The following DMD variants were observed in gnomAD, a reference collection of about 807,000 sequenced individuals.
DMD encodes the protein mutant dystrophin.
A neutral mutation model predicts 330.1 loss-of-function variants in DMD; 63 were observed. The ratio of observed to expected loss-of-function variants is 0.19; its 90% CI spans 0.16 to 0.24. The LOEUF is 0.24. DMD is among the 10% of genes least tolerant of loss of function. The pLI, the probability that DMD is intolerant of heterozygous loss-of-function variation, is 1.00. For missense variants in DMD, 3,344 were observed against 2,684.1 expected (o/e 1.25, Z -5.43); for synonymous variants, 1,223 against 959.8 (o/e 1.27, Z -5.07).
At chrX:31,633,350 A>G (rs1317630475) in intron 54 of DMD, among the ~76,000 whole-genome samples, 1 of 111,352 alleles carries the variant, frequency 9.0e-6, no homozygotes, top group Admixed American at 9.5e-5. Context: ...ATGGCTTTAC[A>G]CTCGATACAG....
At chrX:32,998,071 A>C (rs1424405143) in intron 2 of DMD, among the ~76,000 whole-genome samples, 4 of 110,585 alleles carry the variant, frequency 3.6e-5, no homozygotes, top group African/African-American at 1.3e-4. Flanking sequence ...TTAAGAAATA[A>C]AGGTAGAGGC....
intron 52 of DMD, among the ~76,000 whole-genome samples, chrX:31,692,292 A>T (rs1045454818): frequency 9.0e-6 from 1 of 111,278 alleles, no homozygotes; most frequent in Non-Finnish European, 1.9e-5. Context: ...GTTTATATCA[A>T]TAAATTCCTA....
intron 34 of DMD, among the ~76,000 whole-genome samples, chrX:32,375,936 A>G (rs1334051392): frequency 9.0e-6 from 1 of 111,526 alleles, no homozygotes; most frequent in African/African-American, 3.3e-5. Flanking sequence ...ATTGCCCCCT[A>G]AGCCTATGCC....
intron 2 of DMD, among the ~76,000 whole-genome samples, chrX:32,977,301 C>A (rs12849402): frequency 0.062 from 6,697 of 108,624 alleles, 252 homozygotes; most frequent in East Asian, 0.18. Context: ...CTCCATCTCA[C>A]AAAAAAGAAA....
At chrX:31,493,096 G>C (rs1001755692) in intron 57 of DMD, among the ~76,000 whole-genome samples, 1 of 111,663 alleles carries the variant, frequency 9.0e-6, no homozygotes, top group East Asian at 2.8e-4. Context: ...GAAATAAACA[G>C]AAAACTCCTG....
At chrX:32,461,514 A>G (rs751266753) in intron 25 of DMD, among the ~76,000 whole-genome samples, 2 of 111,506 alleles carry the variant, frequency 1.8e-5, no homozygotes, top group Admixed American at 9.6e-5. Context: ...TGTTTAAAAT[A>G]TATCTCTTGA....
chrX:33,017,490 G>T (rs961056049), intron 2 of DMD, among the ~76,000 whole-genome samples: 1 of 106,899 alleles, frequency 9.4e-6, no homozygotes, highest in East Asian at 3.1e-4. Context: ...CACACAGACA[G>T]AATTTTTCAT....
At chrX:31,624,701 C>CT (rs747078683) in intron 55 of DMD, among the ~76,000 whole-genome samples, 2,225 of 109,776 alleles carry the variant, frequency 0.02, 31 homozygotes, top group Non-Finnish European at 0.032. Flanking sequence ...TTCAAATTTC[C>CT]TTTTTTTTTA....
intron 7 of DMD, among the ~76,000 whole-genome samples, chrX:32,725,939 GTCTC>G (rs773418246): frequency 3.6e-5 from 4 of 110,679 alleles, no homozygotes; most frequent in African/African-American, 9.8e-5. Context: ...CTCATGTACT[GTCTC>G]TCTCTTTCTA....
intron 18 of DMD, among the ~76,000 whole-genome samples, chrX:32,504,356 G>A (rs1332638628): frequency 9.0e-6 from 1 of 111,450 alleles, no homozygotes; most frequent in African/African-American, 3.3e-5. Context: ...GGGTGCAGTG[G>A]CTCACACCTG....
chrX:32,196,964 G>A (rs1454264069), intron 44 of DMD, among the ~76,000 whole-genome samples: 1 of 78,069 alleles, frequency 1.3e-5, no homozygotes, highest in Non-Finnish European at 2.2e-5. Context: ...CCAGCCTGGG[G>A]TGACAGAGCG....
intron 60 of DMD, among the ~76,000 whole-genome samples, chrX:31,392,390 T>C (rs1227600363): frequency 8.9e-6 from 1 of 112,617 alleles, no homozygotes; most frequent in Non-Finnish European, 1.9e-5. Flanking sequence ...AAATAAACGA[T>C]GGTTGCTTAC....
intron 44 of DMD, among the ~76,000 whole-genome samples, chrX:32,130,269 G>C (rs1899017463): frequency 9.0e-6 from 1 of 111,649 alleles, no homozygotes; most frequent in Admixed American, 9.6e-5. Flanking sequence ...CAGATCAAGT[G>C]TAGGTTTTCA....
intron 55 of DMD, among the ~76,000 whole-genome samples, chrX:31,516,978 C>G (rs2072278062): frequency 9.0e-6 from 1 of 111,403 alleles, no homozygotes; most frequent in East Asian, 2.8e-4. Flanking sequence ...TTGTGTGACC[C>G]TCTGACTCCA....
chrX:31,668,901 G>A (rs191242219), intron 53 of DMD, among the ~76,000 whole-genome samples: 1 of 111,819 alleles, frequency 8.9e-6, no homozygotes, highest in African/African-American at 3.2e-5. Context: ...TTAGTATAAT[G>A]TCCTCCAGGT....
intron 5 of DMD, 48 bp from the exon 6 acceptor site, chrX:32,816,688 G>C: frequency 7.8e-6 from 9 of 1,148,216 alleles, no homozygotes; most frequent in East Asian, 3.0e-5. Flanking sequence ...CCTTGAGCAA[G>C]AACCATGCAA....
intron 47 of DMD, among the ~76,000 whole-genome samples, chrX:31,892,018 C>T (rs1164255084): frequency 8.9e-6 from 1 of 112,219 alleles, no homozygotes; most frequent in African/African-American, 3.2e-5. Flanking sequence ...GTTTTTGGGA[C>T]ACTTTGTAGC....
intron 1 of DMD, among the ~76,000 whole-genome samples, chrX:33,329,286 A>C (rs1476938778): frequency 9.2e-6 from 1 of 108,578 alleles, no homozygotes; most frequent in East Asian, 2.9e-4. Flanking sequence ...AATGCTAAGC[A>C]TTGACATGTC....
At chrX:31,187,757 G>A (rs866984629) in intron 67 of DMD, among the ~76,000 whole-genome samples, 2 of 76,801 alleles carry the variant, frequency 2.6e-5, no homozygotes, top group Admixed American at 1.4e-4. Flanking sequence ...GAGAGAGAGA[G>A]AGAGAGAGAG....
Sources: allele counts gnomAD v4.1 joint callset (sites outside exome capture counted in the v4.1 genomes callset), GRCh38; gene constraint gnomAD v4.1.1; transcripts MANE v1.5; gene names NCBI Gene and HGNC (gene_info 2026-07-23, HGNC 2026-07-21).